LIPJ: variants seen among roughly 807,000 people sequenced by gnomAD.
LIPJ encodes the protein lipase family member J.
LIPJ carries 33 observed loss-of-function variants against 39.8 expected under a neutral mutation model. The ratio of observed to expected loss-of-function variants is 0.83; its 90% CI spans 0.63 to 1.11. The LOEUF (loss-of-function observed/expected upper bound fraction) is 1.11, where lower values mean the gene tolerates loss of function less well. Ranked by LOEUF, LIPJ falls within the 50% of genes least tolerant of loss-of-function variation. LIPJ has a pLI of 0.00. For synonymous variants in LIPJ, 128 were observed against 139.2 expected (o/e 0.92, Z 0.57); for missense variants, 422 against 427.9 (o/e 0.99, Z 0.12).
chr10:88,608,208 T>C (rs1360690291), downstream of LIPJ, among the ~76,000 whole-genome samples: 1 of 152,204 alleles, frequency 6.6e-6, no homozygotes, highest in East Asian at 1.9e-4. Context: ...CTTCTGAAGT[T>C]CACAGTCCAG....
At chr10:88,622,393 C>G in the LIPJ span, among the ~76,000 whole-genome samples, 1 of 152,160 alleles carries the variant, frequency 6.6e-6, no homozygotes, top group Non-Finnish European at 1.5e-5. Context: ...ACCTAAAGTA[C>G]TGACGGAAAA....
chr10:88,598,572 C>G (rs1156501526), intron 8 of LIPJ, among the ~76,000 whole-genome samples: 1 of 151,828 alleles, frequency 6.6e-6, no homozygotes, highest in African/African-American at 2.4e-5. Flanking sequence ...TTATTTAGGT[C>G]CCTTTCAGGG....
chr10:88,586,597 T>G (rs1850926052), upstream of LIPJ, among the ~76,000 whole-genome samples: 1 of 152,172 alleles, frequency 6.6e-6, no homozygotes, highest in Non-Finnish European at 1.5e-5. Flanking sequence ...ATGAATGCTT[T>G]ATTTTCTTCA....
intron 2 of LIPJ, among the ~76,000 whole-genome samples, chr10:88,588,182 CTT>C (rs1215226991): frequency 2.6e-5 from 4 of 151,816 alleles, no homozygotes; most frequent in East Asian, 3.9e-4. Flanking sequence ...ACAATTTTCT[CTT>C]ATATTTGCAT....
At chr10:88,616,835 A>G in the LIPJ span, among the ~76,000 whole-genome samples, 6 of 152,190 alleles carry the variant, frequency 3.9e-5, no homozygotes, top group African/African-American at 7.2e-5. Flanking sequence ...AAATGGCTAC[A>G]GTCTCTAGAG....
chr10:88,606,942 C>T, exon 11 of LIPJ: 1 of 1,417,770 alleles, frequency 7.1e-7, no homozygotes, highest in Non-Finnish European at 9.3e-7. Flanking sequence ...AGATCTACAT[C>T]ATTCCTAATG....
At chr10:88,598,405 C>T (rs993309752) in intron 8 of LIPJ, among the ~76,000 whole-genome samples, 8 of 152,088 alleles carry the variant, frequency 5.3e-5, no homozygotes, top group East Asian at 1.9e-4. Flanking sequence ...AAAATGCTCA[C>T]AATGTGACTT....
At chr10:88,614,507 A>G in the LIPJ span, among the ~76,000 whole-genome samples, 2 of 152,276 alleles carry the variant, frequency 1.3e-5, no homozygotes, top group Admixed American at 6.5e-5. Context: ...TAAACCTAGC[A>G]AAAAATGTGT....
chr10:88,595,849 G>C (rs775585700), intron 6 of LIPJ, among the ~76,000 whole-genome samples: 6 of 151,608 alleles, frequency 4.0e-5, no homozygotes, highest in Admixed American at 1.3e-4. Context: ...CTCTGTATAA[G>C]AAGATAAGGA....
chr10:88,589,619 G>A (rs777334946), intron 2 of LIPJ, among the ~76,000 whole-genome samples: 5 of 150,308 alleles, frequency 3.3e-5, no homozygotes, highest in Non-Finnish European at 7.4e-5. Flanking sequence ...TTTTTCAAGC[G>A]GTCAGTGCAC....
exon 11 of LIPJ, chr10:88,606,721 A>C (rs1446666621): frequency 6.2e-7 from 1 of 1,613,420 alleles, no homozygotes; most frequent in Admixed American, 1.7e-5. Flanking sequence ...TGGCAACTGC[A>C]ATTTGGAATG....
intron 6 of LIPJ, among the ~76,000 whole-genome samples, chr10:88,595,516 C>T (rs1237089046): frequency 3.3e-5 from 5 of 151,532 alleles, no homozygotes; most frequent in African/African-American, 1.2e-4. Flanking sequence ...GATCTTTTCT[C>T]TGACATGTAT....
exon 5 of LIPJ, chr10:88,593,970 A>G (rs757356619): frequency 1.2e-6 from 2 of 1,612,160 alleles, no homozygotes. Context: ...GTATACTTGC[A>G]ACATGGTTTG....
chr10:88,584,263 C>T (rs560430551), upstream of LIPJ: 2 of 151,718 alleles, frequency 1.3e-5, no homozygotes, highest in South Asian at 2.1e-4. Context: ...AAAATGTAGA[C>T]GGGCATATAT....
At chr10:88,582,974 G>T (rs1648200757), upstream of LIPJ, 15 of 1,364,428 alleles carry the variant, frequency 1.1e-5, no homozygotes, top group Non-Finnish European at 1.3e-5. Context: ...TGAGGGTATA[G>T]CGTTTTCGCC....
chr10:88,603,681 T>C (rs2134581164), intron 9 of LIPJ, among the ~76,000 whole-genome samples: 1 of 152,246 alleles, frequency 6.6e-6, no homozygotes, highest in Non-Finnish European at 1.5e-5. Flanking sequence ...CTAAGAAAAA[T>C]ATTGTAAGAA....
At chr10:88,620,550 A>G in the LIPJ span, among the ~76,000 whole-genome samples, 1 of 152,188 alleles carries the variant, frequency 6.6e-6, no homozygotes, top group Non-Finnish European at 1.5e-5. Flanking sequence ...ACTACACAAA[A>G]GGATGCTCAA....
downstream of LIPJ, among the ~76,000 whole-genome samples, chr10:88,608,761 G>A (rs1851715847): frequency 1.3e-5 from 2 of 152,134 alleles, no homozygotes; most frequent in African/African-American, 4.8e-5. Flanking sequence ...CAGGAAAATA[G>A]GGTCCAAAGG....
In LIPJ at chr10:88,593,592, G is replaced by A. The variant is rs117250388; in HGVS notation, c.131-354G>A. Reference sequence around the variant, plus strand: ...TGGATACCATGGCCATGTGCCAATGGATGTGTCAACTTTGCTATGTAATTG... The same window carrying A: ...TGGATACCATGGCCATGTGCCAATGAATGTGTCAACTTTGCTATGTAATTG... On this transcript the variant is annotated intron_variant, in intron 4 of 10. Transcript: ENST00000371939. 3.7e-5 allele frequency: 6 copies of A among 161,260 alleles called. No homozygotes were observed. The East Asian group carries it at 9.0e-4, about 24-fold the overall frequency. 10.0% of individuals were successfully genotyped at this position (161,260 alleles called of 1,614,324 possible). A position where few individuals can be genotyped will look rare whatever the true frequency, so the allele number is the denominator to read the frequency against.
Sources: gnomAD v4.1 joint callset for allele counts (sites outside exome capture counted in the v4.1 genomes callset) on GRCh38, gnomAD v4.1.1 for gene constraint, MANE v1.5 for transcripts, NCBI Gene and HGNC (gene_info 2026-07-23, HGNC 2026-07-21) for gene names.